Variants in NTAN1 observed in about 807,000 individuals in gnomAD.
NTAN1 encodes the protein N-terminal asparagine amidase.
NTAN1 carries 32 observed loss-of-function variants against 41.9 expected under a neutral mutation model. The observed-to-expected ratio is 0.76, with a 90% CI of 0.58 to 1.03. The LOEUF (loss-of-function observed/expected upper bound fraction) is 1.03. Among genes scored for constraint, NTAN1 ranks in the 50% least tolerant of loss-of-function variants. The pLI is 0.00. For missense variants in NTAN1, 377 were observed against 377.5 expected (o/e 1.00, Z 0.01); for synonymous variants, 140 against 139.5 (o/e 1.00, Z -0.03).
chr16:15,053,347 G>C (rs186819519), intron 1 of NTAN1, among the ~76,000 whole-genome samples: 6 of 152,250 alleles, frequency 3.9e-5, no homozygotes, highest in Admixed American at 2.0e-4. Context: ...AGCTTCCACT[G>C]TATGACTTAT....
chr16:15,038,148 C>G lies in NTAN1; in HGVS notation c.816G>C (p.Leu272Phe). 3.1e-6 allele frequency: 5 copies of G among 1,613,160 alleles called. No homozygotes were observed. Among genetic ancestry groups the G allele is most frequent in the Middle Eastern group, 1.7e-4 (1 of 6,060 alleles). The change falls in exon 10 of 10, where the codon TTG becomes TTC. Residue 272 changes from leucine to phenylalanine, a missense_variant. Coordinates refer to ENST00000287706, the MANE Select transcript of NTAN1 (RefSeq NM_173474.4). ...GAGATGGGTGTTTTTTTAAAAACAT[C>G]AAGGTAGATCTAATATGTTCAACAA... ...PHFVEHIRST[L>F]MFLKKHPSPA... is the part of the protein sequence containing the mutation.
intron 7 of NTAN1, chr16:15,040,402 T>G: frequency 3.6e-6 from 1 of 279,990 alleles, no homozygotes. Flanking sequence ...CTGGGTGAAC[T>G]GTGATCGTTC....
intron 2 of NTAN1, 23 bp downstream of exon 2, chr16:15,047,974 C>A: frequency 6.2e-7 from 1 of 1,602,148 alleles, no homozygotes; most frequent in South Asian, 1.1e-5. Context: ...GGATAACGCC[C>A]AATTCACTGC....
chr16:15,042,139 T>C (rs916117331), intron 5 of NTAN1, among the ~76,000 whole-genome samples: 1 of 151,928 alleles, frequency 6.6e-6, no homozygotes, highest in African/African-American at 2.4e-5. Flanking sequence ...TTTTCTTCCA[T>C]ATTTTTCTAA....
intron 5 of NTAN1, among the ~76,000 whole-genome samples, chr16:15,043,193 C>T (rs915093882): frequency 6.6e-6 from 1 of 152,026 alleles, no homozygotes; most frequent in Non-Finnish European, 1.5e-5. Flanking sequence ...AGCCACCGCA[C>T]CCGGCCTAAT....
At position 15,044,422 on chromosome 16, in the gene NTAN1, A is replaced by C; in HGVS notation, c.360-15T>G. 2 of 1,595,172 alleles carry C rather than the reference A, an allele frequency of 1.3e-6. No individual in the cohort carries two copies. The highest frequency in any genetic ancestry group is 1.7e-6 in the Non-Finnish European group (2 of 1,162,740). ...GTACTTCCAGCCTGGCAAAGAGATGAGACGGGTCAGAGGCCAGAAGAAGAC... is the reference window on the plus strand; with the variant it reads ...GTACTTCCAGCCTGGCAAAGAGATGCGACGGGTCAGAGGCCAGAAGAAGAC... On this transcript the variant is annotated splice_polypyrimidine_tract_variant and intron_variant, in intron 4 of 9. Transcript: ENST00000287706.
At chr16:15,041,025 A>G (rs763783659) in intron 7 of NTAN1, 43 bp downstream of exon 7, 6 of 1,353,392 alleles carry the variant, frequency 4.4e-6, no homozygotes, top group Non-Finnish European at 6.4e-6. Flanking sequence ...TTAACTGCAC[A>G]TGTGACCAAG....
In NTAN1 at chr16:15,047,789, G is replaced by A. The variant is rs114789224; in HGVS notation, c.250+66C>T. 1,022 of 1,350,028 alleles carry A rather than the reference G, an allele frequency of 7.6e-4. 10 individuals carry two copies. The African/African-American group carries it at 0.013, about 17-fold the overall frequency. 83.6% of individuals were successfully genotyped at this position (1,350,028 alleles called of 1,614,324 possible). ...CAAGACACCAGGAAACTCAACACGA[G>A]AAATTCAATGGTCCCAAAGGTTGGG... On this transcript the variant is annotated intron_variant, in intron 3 of 9. Transcript: ENST00000287706.
rs145686441 is a variant in NTAN1 at position 15,043,778 on chromosome 16, T to C, written c.433+556A>G. Among the ~76,000 whole-genome samples the C allele has an allele frequency of 1.6e-3, 250 of 152,200 alleles. 1 individual carries two copies. Among genetic ancestry groups the C allele is most frequent in the Middle Eastern group, 0.014 (4 of 294 alleles). On this transcript the variant is annotated intron_variant, in intron 5 of 9. Transcript: ENST00000287706. ...GCCTGGCCAACATGGTGAAACCCCA[T>C]TTCTACCAAAAATACAAAAATTAGG...
rs139912060 is a variant in NTAN1, at chr16:15,047,475, A to G, written c.326T>C (p.Ile109Thr). ...KAEVPLIMNS[I>T]KSFSDHAQCG... ...TTGAGCGTGGTCAGAAAAGGATTTT[A>G]TGGAGTTCATGATCAAGGGGACCTC... Residue 109 changes from isoleucine to threonine, a missense_variant, in exon 4 of 10, where the codon ATA becomes ACA. Transcript: ENST00000287706. 3.9e-5 allele frequency: 63 copies of G among 1,613,288 alleles called. No homozygotes were observed. The highest frequency in any genetic ancestry group is 5.1e-5 in the Non-Finnish European group (60 of 1,179,290).
At chr16:15,048,174 C>A in intron 1 of NTAN1, 75 bp from the exon 2 acceptor site, 2 of 1,040,662 alleles carry the variant, frequency 1.9e-6, no homozygotes, top group Non-Finnish European at 1.4e-6. Flanking sequence ...TGGAGAGAGC[C>A]AAAGTGGGCT....
At chr16:15,043,630 T>TTTTC (rs969520803) in intron 5 of NTAN1, among the ~76,000 whole-genome samples, 1 of 152,108 alleles carries the variant, frequency 6.6e-6, no homozygotes. Flanking sequence ...CACGACAATG[T>TTTTC]TTTCTTTCTT....
At chr16:15,042,992 C>G (rs1307007613) in intron 5 of NTAN1, among the ~76,000 whole-genome samples, 1 of 151,964 alleles carries the variant, frequency 6.6e-6, no homozygotes, top group Non-Finnish European at 1.5e-5. Flanking sequence ...CCTATACCTC[C>G]CGGGTTCAAG....
At chr16:15,040,290 T>A in intron 7 of NTAN1, 1 of 423,582 alleles carries the variant, frequency 2.4e-6, no homozygotes, top group Non-Finnish European at 4.2e-6. Flanking sequence ...TGAGATTTTG[T>A]TCTAAACCAA....
In NTAN1 at chr16:15,041,695, G is replaced by T; in HGVS notation, c.434-19C>A. The T allele has an allele frequency of 3.1e-6, 5 of 1,590,658 alleles. No individual in the cohort carries two copies. In the South Asian group the frequency reaches 5.5e-5, roughly 18 times the overall value. ...AATTCACCTATGATGAGAATTTTAA[G>T]ACCAGAAGTCAGAAAAGTTCCTCTA... On this transcript the variant is annotated intron_variant, in intron 5 of 9. Coordinates refer to ENST00000287706, the MANE Select transcript of NTAN1 (RefSeq NM_173474.4).
chr16:15,042,310 C>A (rs997722512), intron 5 of NTAN1, among the ~76,000 whole-genome samples: 4 of 151,378 alleles, frequency 2.6e-5, no homozygotes, highest in Middle Eastern at 3.4e-3. Context: ...CTCAGCCTCC[C>A]AAGTAGCTGG....
chr16:15,049,305 A>C (rs928112089), intron 1 of NTAN1, among the ~76,000 whole-genome samples: 2 of 152,222 alleles, frequency 1.3e-5, no homozygotes, highest in African/African-American at 4.8e-5. Flanking sequence ...CTGGGATTAC[A>C]TGCATAAGCC....
At chr16:15,047,694 C>T in intron 3 of NTAN1, 144 bp from the exon 4 acceptor site, 1 of 893,118 alleles carries the variant, frequency 1.1e-6, no homozygotes, top group Non-Finnish European at 1.9e-6. Flanking sequence ...CCCCAGCCAA[C>T]CCATTCTGAC....
chr16:15,046,429 C>T (rs995844519), intron 4 of NTAN1, among the ~76,000 whole-genome samples: 1 of 152,148 alleles, frequency 6.6e-6, no homozygotes, highest in African/African-American at 2.4e-5. Context: ...AGGCCTGTGT[C>T]GTCGGCCTCC....
Sources: gnomAD v4.1 joint callset for allele counts (sites outside exome capture counted in the v4.1 genomes callset) on GRCh38, gnomAD v4.1.1 for gene constraint, MANE v1.5 for transcripts, NCBI Gene and HGNC (gene_info 2026-07-23, HGNC 2026-07-21) for gene names.